The following GLRA3 variants were observed in gnomAD, a reference collection of about 807,000 sequenced individuals.
GLRA3 encodes glycine receptor alpha 3.
Under a neutral mutation model 60.4 loss-of-function variants are expected in GLRA3, and 44 were observed. The observed-to-expected ratio is 0.73, with a 90% CI of 0.57 to 0.94. The LOEUF (loss-of-function observed/expected upper bound fraction) is 0.94, where lower values mean the gene tolerates loss of function less well. Ranked by LOEUF, GLRA3 falls within the 40% of genes least tolerant of loss-of-function variation. The probability of loss-of-function intolerance (pLI) is 0.00; values close to 1 mark genes in which losing one functional copy is unlikely to be tolerated. For missense variants in GLRA3, 508 were observed against 564.6 expected, an observed-to-expected ratio of 0.90 and a Z score of 1.02; for synonymous variants, 223 against 192.9, an observed-to-expected ratio of 1.16 and a Z score of -1.29.
At position 174,715,060 on chromosome 4, in the gene GLRA3, G is replaced by A. The variant is rs1317373816; in HGVS notation, c.574+428C>T. 3.3e-5 allele frequency among the ~76,000 whole-genome samples: 5 copies of A among 152,142 alleles called. No individual in the cohort carries two copies. The East Asian group carries it at 5.8e-4, about 18-fold the overall frequency. Reference sequence around the variant, plus strand: ...ACTGTCACCTTTGTGAGTTGGAGCCGAATACTCAACCATTCAACATGACCA... The same window carrying A: ...ACTGTCACCTTTGTGAGTTGGAGCCAAATACTCAACCATTCAACATGACCA... On this transcript the variant is annotated intron_variant, in intron 5 of 9. Transcript: ENST00000274093.
At chr4:174,819,589 AT>A (rs1560818973) in intron 1 of GLRA3, among the ~76,000 whole-genome samples, 2 of 152,140 alleles carry the variant, frequency 1.3e-5, no homozygotes, top group Admixed American at 6.6e-5. Flanking sequence ...CCAGAAAAAA[AT>A]GTTTTTTCTC....
intron 1 of GLRA3, among the ~76,000 whole-genome samples, chr4:174,797,181 A>G (rs1561125366): frequency 6.6e-6 from 1 of 152,160 alleles, no homozygotes; most frequent in Non-Finnish European, 1.5e-5. Context: ...TTTAGAATGA[A>G]TTTTGGATAA....
chr4:174,642,076 C>T lies in GLRA3; in HGVS notation c.*1710G>A, dbSNP rs1732637938. 1.0e-5 allele frequency: 9 copies of T among 859,380 alleles called. No individual in the cohort carries two copies. The highest frequency in any genetic ancestry group is 9.8e-6 in the Non-Finnish European group (7 of 715,312). The allele number at this position is 859,380 out of a possible 1,614,324, so 53.2% of individuals were successfully genotyped here. ...ATAATGCCAAACATGATATTATTTC[C>T]TTATAGTGTTGTTTTAAGTTACTTA... On this transcript the variant is annotated 3_prime_UTR_variant, in exon 10 of 10. Coordinates refer to ENST00000274093, the MANE Select transcript of GLRA3 (RefSeq NM_006529.4).
intron 1 of GLRA3, among the ~76,000 whole-genome samples, chr4:174,793,427 T>C (rs988257415): frequency 5.9e-4 from 78 of 131,852 alleles, no homozygotes; most frequent in South Asian, 3.0e-3. Context: ...TACATTCATT[T>C]ATTTATTTAT....
chr4:174,710,169 T>C (rs1264010520), intron 5 of GLRA3, among the ~76,000 whole-genome samples: 5 of 152,160 alleles, frequency 3.3e-5, no homozygotes, highest in East Asian at 3.9e-4. Context: ...TCGTTTTCTA[T>C]GCTATCTCCA....
rs1247340736 is a variant in GLRA3, at chr4:174,800,369, A to C, written c.72-11426T>G. On this transcript the variant is annotated intron_variant, in intron 1 of 9. Transcript: ENST00000274093. Reference sequence around the variant, plus strand: ...TTTTTGTAATTAATAGACATAACTTAATGTGGTGCACTGGCTAATTAATTC... The same window carrying C: ...TTTTTGTAATTAATAGACATAACTTCATGTGGTGCACTGGCTAATTAATTC... Among the ~76,000 whole-genome samples the C allele has an allele frequency of 6.8e-4, 104 of 152,114 alleles. 1 individual carries two copies. Among genetic ancestry groups the C allele is most frequent in the Non-Finnish European group, 7.4e-5 (5 of 67,982 alleles).
chr4:174,734,616 A>T (rs1222170335), intron 3 of GLRA3, among the ~76,000 whole-genome samples: 1 of 152,216 alleles, frequency 6.6e-6, no homozygotes, highest in East Asian at 1.9e-4. Flanking sequence ...AAATTTTTTT[A>T]AAAAGCAATC....
intron 1 of GLRA3, among the ~76,000 whole-genome samples, chr4:174,804,182 T>A (rs538121646): frequency 2.0e-5 from 3 of 152,296 alleles, no homozygotes; most frequent in African/African-American, 7.2e-5. Context: ...TCTGAAATAG[T>A]GCTCCAGAGT....
At chr4:174,647,885 A>G (rs978196740) in intron 9 of GLRA3, among the ~76,000 whole-genome samples, 3 of 152,212 alleles carry the variant, frequency 2.0e-5, no homozygotes, top group African/African-American at 7.2e-5. Flanking sequence ...CTAGTGCTCA[A>G]TAACCACATG....
In GLRA3 at chr4:174,641,144, C is replaced by T. The variant is rs1006815178; in HGVS notation, c.*2642G>A. Reference sequence around the variant, plus strand: ...ATTCTTTTTAAGAAAATGATATAAACTGCATACATGAAAATCCCATATTTT... The same window carrying T: ...ATTCTTTTTAAGAAAATGATATAAATTGCATACATGAAAATCCCATATTTT... On this transcript the variant is annotated 3_prime_UTR_variant, in exon 10 of 10. Transcript: ENST00000274093. 6.6e-6 allele frequency: 1 copy of T among 152,022 alleles called. No individual in the cohort carries two copies. The highest frequency in any genetic ancestry group is 1.5e-5 in the Non-Finnish European group (1 of 67,940). The allele number at this position is 152,022 out of a possible 1,614,324, so 9.4% of individuals were successfully genotyped here. A position where few individuals can be genotyped will look rare whatever the true frequency, so the allele number is the denominator to read the frequency against.
At chr4:174,817,693 C>T (rs1296699019) in intron 1 of GLRA3, among the ~76,000 whole-genome samples, 23 of 152,088 alleles carry the variant, frequency 1.5e-4, no homozygotes, top group African/African-American at 5.1e-4. Context: ...CTGCAACATC[C>T]ACCTCCTGGT....
intron 1 of GLRA3, among the ~76,000 whole-genome samples, chr4:174,809,960 C>A (rs753308776): frequency 6.6e-6 from 1 of 151,836 alleles, no homozygotes; most frequent in African/African-American, 2.4e-5. Flanking sequence ...ATAAATAAGA[C>A]AAAATAAAAA....
chr4:174,828,785 T>C lies in GLRA3; in HGVS notation c.27A>G (p.Thr9=). 1.9e-6 allele frequency: 3 copies of C among 1,611,594 alleles called. No homozygotes were observed. The highest frequency in any genetic ancestry group is 1.7e-5 in the Admixed American group (1 of 60,018). Residue 9 remains threonine (T), a synonymous_variant, in exon 1 of 10, where the codon ACA becomes ACG. Transcript: ENST00000274093. The part of the protein sequence containing the change: MAHVRHFR[T]LVSGFYFWEA... ...CCCAGAAGTAAAATCCCGAAACTAATGTCCGAAAGTGTCTCACGTGGGCCA... is the reference window on the plus strand; with the variant it reads ...CCCAGAAGTAAAATCCCGAAACTAACGTCCGAAAGTGTCTCACGTGGGCCA...
intron 4 of GLRA3, among the ~76,000 whole-genome samples, chr4:174,723,208 T>C (rs1736194867): frequency 6.6e-6 from 1 of 152,118 alleles, no homozygotes; most frequent in African/African-American, 2.4e-5. Context: ...ATAATAAATT[T>C]AGTATTCTTT....
rs1738969944 is a variant in GLRA3, at chr4:174,783,268, G to A, written c.199+5548C>T. 1.4e-5 allele frequency among the ~76,000 whole-genome samples: 2 copies of A among 144,804 alleles called. 1 individual carries two copies. The highest frequency in any genetic ancestry group is 5.1e-5 in the African/African-American group (2 of 39,384). 95.0% of individuals were successfully genotyped at this position (144,804 alleles called of 152,430 possible). Reference sequence around the variant, plus strand: ...TGCTGGGAAAACTGGCTAGCCATATGTAGAAAGCTGAAACTGGAACCCTTC... The same window carrying A: ...TGCTGGGAAAACTGGCTAGCCATATATAGAAAGCTGAAACTGGAACCCTTC... On this transcript the variant is annotated intron_variant, in intron 2 of 9. Transcript: ENST00000274093.
At chr4:174,711,768 G>C (rs17060785) in intron 5 of GLRA3, among the ~76,000 whole-genome samples, 26,619 of 151,992 alleles carry the variant, frequency 0.18, 2,538 homozygotes, top group East Asian at 0.33. Flanking sequence ...TCAAGTGTTT[G>C]TGCCTCATAA....
At chr4:174,680,492 G>A (rs190003928) in intron 6 of GLRA3, among the ~76,000 whole-genome samples, 113 of 152,280 alleles carry the variant, frequency 7.4e-4, no homozygotes, top group African/African-American at 2.6e-3. Flanking sequence ...GTTGGCATTT[G>A]AATAACCCTG....
intron 9 of GLRA3, among the ~76,000 whole-genome samples, chr4:174,647,363 C>T (rs774947781): frequency 8.0e-5 from 12 of 150,654 alleles, no homozygotes; most frequent in South Asian, 2.1e-4. Flanking sequence ...GCTAAGATCG[C>T]GCCACTGCAC....
chr4:174,770,378 A>G (rs548718042), intron 2 of GLRA3, among the ~76,000 whole-genome samples: 6 of 152,192 alleles, frequency 3.9e-5, no homozygotes, highest in Admixed American at 1.3e-4. Context: ...CACTATCCTA[A>G]GGAATTACAG....
Sources: gnomAD v4.1 joint callset for allele counts (sites outside exome capture counted in the v4.1 genomes callset) on GRCh38, gnomAD v4.1.1 for gene constraint, MANE v1.5 for transcripts, NCBI Gene and HGNC (gene_info 2026-07-23, HGNC 2026-07-21) for gene names.